Variants in FANCA observed in about 807,000 individuals in gnomAD.
The protein encoded by FANCA is FA complementation group A, also known as Fanconi anemia group A protein.
FANCA carries 236 observed loss-of-function variants against 194.3 expected under a neutral mutation model. That is an observed-to-expected ratio of 1.21 (90% confidence interval 1.09 to 1.35). FANCA has a LOEUF of 1.35. FANCA is among the 40% of genes most tolerant of loss of function. The probability of loss-of-function intolerance (pLI) is 0.00; values close to 1 mark genes in which losing one functional copy is unlikely to be tolerated. For missense variants in FANCA, 2,628 were observed against 1,813.9 expected, an observed-to-expected ratio of 1.45 and a Z score of -8.15; for synonymous variants, 1,014 against 715.8, an observed-to-expected ratio of 1.42 and a Z score of -6.65.
intron 36 of FANCA, chr16:89,744,716 G>C (rs959977181): frequency 7.2e-6 from 4 of 556,662 alleles, no homozygotes; most frequent in Non-Finnish European, 9.8e-6. Flanking sequence ...TTGGCCGTTG[G>C]AGTGATCTCG....
At chr16:89,806,142 A>T (rs867212332) in intron 6 of FANCA, among the ~76,000 whole-genome samples, 1 of 151,658 alleles carries the variant, frequency 6.6e-6, no homozygotes, top group Non-Finnish European at 1.5e-5. Context: ...TGAACTCCTG[A>T]CCTCAGGTGA....
At chr16:89,760,051 T>C (rs1038166920) in intron 29 of FANCA, among the ~76,000 whole-genome samples, 3 of 152,202 alleles carry the variant, frequency 2.0e-5, no homozygotes, top group African/African-American at 7.2e-5. Context: ...TGTCTGGAAC[T>C]GGCACAGAAT....
chr16:89,806,224 C>G (rs1047882076), intron 6 of FANCA, among the ~76,000 whole-genome samples: 1 of 152,142 alleles, frequency 6.6e-6, no homozygotes, highest in Non-Finnish European at 1.5e-5. Flanking sequence ...TGGCCTGAAC[C>G]TTATGCTGTA....
chr16:89,810,675 C>G (rs769454313), intron 5 of FANCA, 32 bp downstream of exon 5: 1 of 1,379,454 alleles, frequency 7.2e-7, no homozygotes. Context: ...GCCTGGAACA[C>G]TGGAGAGTCA....
chr16:89,745,109 G>T, intron 35 of FANCA, 38 bp from the exon 36 acceptor site: 1 of 1,533,394 alleles, frequency 6.5e-7, no homozygotes, highest in Non-Finnish European at 8.8e-7. Context: ...GAGGGTGGCT[G>T]AGATGGACAC....
At chr16:89,751,697 T>C (rs533050036) in intron 31 of FANCA, among the ~76,000 whole-genome samples, 16 of 152,042 alleles carry the variant, frequency 1.1e-4, no homozygotes, top group African/African-American at 2.9e-4. Flanking sequence ...CCTACCTGTA[T>C]AGACTTCAGG....
intron 31 of FANCA, among the ~76,000 whole-genome samples, chr16:89,750,968 T>A (rs887303466): frequency 6.6e-6 from 1 of 152,170 alleles, no homozygotes; most frequent in South Asian, 2.1e-4. Flanking sequence ...TCTTGGCTTA[T>A]GGCAGCCTTG....
At chr16:89,742,960 C>T (rs780844014) in intron 36 of FANCA, 22 bp from the exon 37 acceptor site, 2 of 1,612,058 alleles carry the variant, frequency 1.2e-6, no homozygotes, top group South Asian at 1.1e-5. Flanking sequence ...AGAACGGGGT[C>T]ATTGCAGGGC....
At chr16:89,748,465 T>C (rs1288581925) in intron 33 of FANCA, among the ~76,000 whole-genome samples, 194 bp downstream of exon 33, 1 of 152,200 alleles carries the variant, frequency 6.6e-6, no homozygotes, top group Non-Finnish European at 1.5e-5. Flanking sequence ...GCTGGTTTGG[T>C]GATGTGCTGG....
intron 26 of FANCA, among the ~76,000 whole-genome samples, chr16:89,768,366 G>A (rs1158842134): frequency 2.0e-5 from 3 of 152,178 alleles, no homozygotes; most frequent in East Asian, 3.9e-4. Flanking sequence ...TAATACTTCT[G>A]TTTTACTAAT....
At chr16:89,782,315 T>C (rs2143454853) in intron 17 of FANCA, among the ~76,000 whole-genome samples, 1 of 151,522 alleles carries the variant, frequency 6.6e-6, no homozygotes, top group East Asian at 2.0e-4. Context: ...ATTGAGACCA[T>C]TCTGGCTAAC....
At chr16:89,801,652 G>A (rs898093664) in intron 8 of FANCA, among the ~76,000 whole-genome samples, 19 of 152,102 alleles carry the variant, frequency 1.2e-4, no homozygotes, top group African/African-American at 4.1e-4. Context: ...CACTTCAGGA[G>A]GCCAAGGCAG....
At chr16:89,758,816 G>C in intron 29 of FANCA, 111 bp from the exon 30 acceptor site, 1 of 1,534,572 alleles carries the variant, frequency 6.5e-7, no homozygotes. Flanking sequence ...GTGAGAGCTG[G>C]GTTGAGACTG....
intron 7 of FANCA, among the ~76,000 whole-genome samples, chr16:89,804,337 C>G (rs2040558859): frequency 1.3e-5 from 2 of 152,098 alleles, no homozygotes; most frequent in African/African-American, 2.4e-5. Context: ...TGAGAACTCA[C>G]CAAGGAAAAG....
chr16:89,775,867 C>T (rs2039483519), intron 20 of FANCA, 52 bp from the exon 21 acceptor site: 1 of 1,147,342 alleles, frequency 8.7e-7, no homozygotes, highest in African/African-American at 1.5e-5. Context: ...TAAATTAATT[C>T]AAGATTACAA....
chr16:89,787,440 G>C (rs1041713951), intron 14 of FANCA, among the ~76,000 whole-genome samples: 1 of 152,066 alleles, frequency 6.6e-6, no homozygotes, highest in Non-Finnish European at 1.5e-5. Context: ...GGAGAATGGC[G>C]TGAACCCGGG....
Position 89,746,570 on chromosome 16 carries a change from G to C in FANCA, c.3513+14C>G. ...ATCCCCAAAACAAAACACCAAACAA[G>C]ACAGCTGACCCACCAGAGCAGAGGT... On this transcript the variant is annotated intron_variant, in intron 35 of 42. Coordinates refer to ENST00000389301, the MANE Select transcript of FANCA (RefSeq NM_000135.4). The C allele has an allele frequency of 6.2e-7, 1 of 1,610,516 alleles. No homozygotes were observed. Among genetic ancestry groups the C allele is most frequent in the Non-Finnish European group, 8.5e-7 (1 of 1,176,840 alleles).
intron 30 of FANCA, 136 bp downstream of exon 30, chr16:89,758,440 AT>A (rs1292189456): frequency 1.2e-5 from 12 of 971,702 alleles, no homozygotes; most frequent in Middle Eastern, 2.6e-4. Flanking sequence ...GGAGACTGAC[AT>A]TTGGGTATAG....
chr16:89,762,719 G>A (rs985979411), intron 28 of FANCA: 4 of 448,024 alleles, frequency 8.9e-6, no homozygotes, highest in African/African-American at 2.0e-5. Context: ...TGCAGACTCT[G>A]CCTCCTGAAC....
Sources: gnomAD v4.1 joint callset for allele counts (sites outside exome capture counted in the v4.1 genomes callset) on GRCh38, gnomAD v4.1.1 for gene constraint, MANE v1.5 for transcripts, NCBI Gene and HGNC (gene_info 2026-07-23, HGNC 2026-07-21) for gene names.